PPP2R3A: variants seen among roughly 807,000 people sequenced by gnomAD.
PPP2R3A encodes the protein serine/threonine-protein phosphatase 2A regulatory subunit B'' subunit alpha.
Under a neutral mutation model 106.9 loss-of-function variants are expected in PPP2R3A, and 80 were observed. The ratio of observed to expected loss-of-function variants is 0.75; its 90% CI spans 0.62 to 0.90. The LOEUF (loss-of-function observed/expected upper bound fraction) is 0.90, where lower values mean the gene tolerates loss of function less well. Among genes scored for constraint, PPP2R3A ranks in the 40% least tolerant of loss-of-function variants. The pLI is 0.00. For missense variants in PPP2R3A, 1,386 were observed against 1,350.4 expected, an observed-to-expected ratio of 1.03 and a Z score of -0.41; for synonymous variants, 483 against 468.3, an observed-to-expected ratio of 1.03 and a Z score of -0.41.
intron 3 of PPP2R3A, among the ~76,000 whole-genome samples, chr3:136,028,625 C>A (rs536298516): frequency 6.6e-6 from 1 of 152,340 alleles, no homozygotes; most frequent in Admixed American, 6.5e-5. Flanking sequence ...AAATATATTA[C>A]AAGTTCTTTA....
At chr3:136,137,342 A>G (rs1013700362) in intron 13 of PPP2R3A, among the ~76,000 whole-genome samples, 1 of 152,020 alleles carries the variant, frequency 6.6e-6, no homozygotes, top group Non-Finnish European at 1.5e-5. Flanking sequence ...TATACTTGGT[A>G]TATTTCTTTT....
intron 5 of PPP2R3A, among the ~76,000 whole-genome samples, chr3:136,064,549 G>C (rs1047592880): frequency 6.6e-6 from 1 of 152,074 alleles, no homozygotes; most frequent in African/African-American, 2.4e-5. Context: ...AAGGAAACTC[G>C]TCAAAGCTAA....
chr3:136,057,458 A>T lies in PPP2R3A; in HGVS notation c.2469+8097A>T, dbSNP rs1232040516. Among the ~76,000 whole-genome samples the T allele has an allele frequency of 3.3e-5, 5 of 152,248 alleles. 1 individual carries two copies. The highest frequency in any genetic ancestry group is 3.3e-4 in the Admixed American group (5 of 15,274). ...TCATATGCAGGAGTTTAAAAAATGG[A>T]TCTTGTGAAGATAGAAAGTAGATTG... On this transcript the variant is annotated intron_variant, in intron 5 of 13. Coordinates refer to ENST00000264977, the MANE Select transcript of PPP2R3A (RefSeq NM_002718.5).
chr3:135,980,603 G>A lies in PPP2R3A; in HGVS notation c.-441+14754G>A, dbSNP rs1471573610. The stretch of plus-strand genomic sequence containing the variant: ...GAGGGACTTTAGGAGGTGAGGTGAA[G>A]TAGATGACTGGAACTTTAAGTATAT... On this transcript the variant is annotated intron_variant, in intron 1 of 13. Coordinates refer to ENST00000264977, the MANE Select transcript of PPP2R3A (RefSeq NM_002718.5). 3.3e-5 allele frequency among the ~76,000 whole-genome samples: 5 copies of A among 151,832 alleles called. No homozygotes were observed. In the East Asian group the frequency reaches 9.6e-4, roughly 29 times the overall value.
chr3:136,137,533 G>GTTTTTTTTTTTT (rs1559941176), intron 13 of PPP2R3A, among the ~76,000 whole-genome samples: 2 of 38,440 alleles, frequency 5.2e-5, no homozygotes, highest in African/African-American at 7.5e-5. Flanking sequence ...CTCTGTCAGA[G>GTTTTTTTTTTTT]ATTTTTTTTT....
At chr3:136,130,628 A>C (rs1171042569) in intron 13 of PPP2R3A, among the ~76,000 whole-genome samples, 1 of 152,188 alleles carries the variant, frequency 6.6e-6, no homozygotes, top group African/African-American at 2.4e-5. Context: ...CAAGCTACCA[A>C]TGACTTTCTT....
intron 12 of PPP2R3A, among the ~76,000 whole-genome samples, chr3:136,104,124 ATAG>A (rs1392601995): frequency 6.6e-6 from 1 of 152,194 alleles, no homozygotes; most frequent in Admixed American, 6.5e-5. Flanking sequence ...TTTGACCTAA[ATAG>A]TAGTAAGAAT....
intron 5 of PPP2R3A, among the ~76,000 whole-genome samples, chr3:136,068,602 A>G (rs1336021116): frequency 6.6e-6 from 1 of 152,252 alleles, no homozygotes; most frequent in African/African-American, 2.4e-5. Context: ...TAGACAGAAT[A>G]GAAACAAAAT....
intron 13 of PPP2R3A, among the ~76,000 whole-genome samples, chr3:136,119,993 G>T (rs538728921): frequency 6.6e-4 from 100 of 152,264 alleles, no homozygotes; most frequent in Admixed American, 1.1e-3. Context: ...AGAAAATGTG[G>T]CACATATATG....
intron 3 of PPP2R3A, among the ~76,000 whole-genome samples, chr3:136,031,801 A>T (rs529957581): frequency 6.6e-6 from 1 of 152,330 alleles, no homozygotes; most frequent in South Asian, 2.1e-4. Flanking sequence ...CTTGTCAAAG[A>T]TCAGTTGGCT....
At chr3:136,065,587 T>C (rs945499814) in intron 5 of PPP2R3A, among the ~76,000 whole-genome samples, 2 of 152,206 alleles carry the variant, frequency 1.3e-5, no homozygotes, top group African/African-American at 4.8e-5. Flanking sequence ...AATAGCACTT[T>C]TAATAAATTG....
Position 136,070,488 on chromosome 3 carries a change from A to C in PPP2R3A, c.2480A>C (p.Asp827Ala). 1 of 1,606,126 alleles carries C rather than the reference A, an allele frequency of 6.2e-7. No individual in the cohort carries two copies. Among genetic ancestry groups the C allele is most frequent in the Non-Finnish European group, 8.5e-7 (1 of 1,177,202 alleles). Residue 827 changes from aspartate to alanine, a missense_variant, in exon 6 of 14, where the codon GAT becomes GCT. Physicochemically the swap from Asp to Ala is moderately radical, Grantham distance 126. Transcript: ENST00000264977. Reference protein sequence around the residue: ...DFIPLLQDVVDTHPGLTFLKD... With the variant: ...DFIPLLQDVVATHPGLTFLKD... ...TTTGATCTTTTTCAGGATGTGGTGG[A>C]TACCCACCCTGGTCTCACGTTCCTG... is the stretch of plus-strand genomic sequence containing the variant.
chr3:135,999,253 GTAT>G (rs759299860), intron 1 of PPP2R3A, among the ~76,000 whole-genome samples: 2 of 152,266 alleles, frequency 1.3e-5, no homozygotes, highest in South Asian at 2.1e-4. Flanking sequence ...CATGAGATGG[GTAT>G]TATTATTCTC....
chr3:136,018,938 A>G (rs1934370801), intron 2 of PPP2R3A, among the ~76,000 whole-genome samples: 1 of 152,178 alleles, frequency 6.6e-6, no homozygotes, highest in Non-Finnish European at 1.5e-5. Context: ...GCAGGAAAGG[A>G]ACCCCAGACC....
At chr3:136,099,191 A>G (rs1937293934) in intron 10 of PPP2R3A, among the ~76,000 whole-genome samples, 1 of 151,262 alleles carries the variant, frequency 6.6e-6, no homozygotes, top group Non-Finnish European at 1.5e-5. Context: ...TCCCCAAGGA[A>G]AAAAACCAGC....
At chr3:136,004,585 G>A (rs1395989802) in intron 2 of PPP2R3A, among the ~76,000 whole-genome samples, 1 of 152,178 alleles carries the variant, frequency 6.6e-6, no homozygotes, top group East Asian at 1.9e-4. Context: ...TGAGCTATAT[G>A]TATCAACATG....
chr3:136,074,570 T>A (rs1254583269), intron 6 of PPP2R3A, among the ~76,000 whole-genome samples: 1 of 152,256 alleles, frequency 6.6e-6, no homozygotes, highest in African/African-American at 2.4e-5. Context: ...TGCCAACTTT[T>A]GAGGAAAGAA....
At chr3:136,143,484 C>G (rs1938962807) in intron 13 of PPP2R3A, among the ~76,000 whole-genome samples, 1 of 151,982 alleles carries the variant, frequency 6.6e-6, no homozygotes, top group Admixed American at 6.6e-5. Flanking sequence ...GAGCAAGACT[C>G]CATCTCAAAA....
At chr3:136,084,856 C>T (rs978940382) in intron 8 of PPP2R3A, among the ~76,000 whole-genome samples, 1 of 152,204 alleles carries the variant, frequency 6.6e-6, no homozygotes, top group African/African-American at 2.4e-5. Context: ...TTTGTTTTGA[C>T]TGATTTCTCC....
Sources: allele counts gnomAD v4.1 joint callset (sites outside exome capture counted in the v4.1 genomes callset), GRCh38; gene constraint gnomAD v4.1.1; transcripts MANE v1.5; gene names NCBI Gene and HGNC (gene_info 2026-07-23, HGNC 2026-07-21).